The following HLTF variants were observed in gnomAD, a reference collection of about 807,000 sequenced individuals.
The protein encoded by HLTF is DNA-dependent ATPase/E3 ubiquitin-protein ligase HLTF.
HLTF carries 127 observed loss-of-function variants against 129.4 expected under a neutral mutation model. The observed-to-expected ratio is 0.98, with a 90% CI of 0.85 to 1.14. HLTF has a LOEUF of 1.14. Ranked by LOEUF, HLTF falls within the 50% of genes most tolerant of loss-of-function variation. HLTF has a pLI of 0.00. For missense variants in HLTF, 1,139 were observed against 1,187.1 expected (o/e 0.96, Z 0.60); for synonymous variants, 332 against 388.8 (o/e 0.85, Z 1.72).
intron 18 of HLTF, among the ~76,000 whole-genome samples, chr3:149,045,085 C>G (rs936610967): frequency 6.6e-6 from 1 of 152,060 alleles, no homozygotes; most frequent in African/African-American, 2.4e-5. Flanking sequence ...GCGTTACATA[C>G]CCCCATTCCA....
intron 17 of HLTF, among the ~76,000 whole-genome samples, chr3:149,047,618 G>A (rs959412397): frequency 6.6e-6 from 1 of 152,100 alleles, no homozygotes; most frequent in East Asian, 1.9e-4. Context: ...CTCCAGCATG[G>A]ACGACAGAGC....
chr3:149,032,953 G>A (rs770024459), intron 24 of HLTF, among the ~76,000 whole-genome samples: 23 of 105,874 alleles, frequency 2.2e-4, no homozygotes, highest in Non-Finnish European at 3.2e-4. Flanking sequence ...ACAGAGCGAC[G>A]TCTCAAAAAA....
rs1404071951 is a variant in HLTF at position 149,031,422 on chromosome 3, CTATT to C, written c.*794_*797del. On this transcript the variant is annotated 3_prime_UTR_variant, in exon 25 of 25. Coordinates refer to ENST00000310053, the MANE Select transcript of HLTF (RefSeq NM_003071.4). The stretch of plus-strand genomic sequence containing the variant: ...AAAAAGCTACATAAATAAAAATTAT[CTATT>C]TATAGAAATATCTATTTAGCAGTTC... 1.3e-5 allele frequency: 2 copies of C among 152,494 alleles called. No homozygotes were observed. The highest frequency in any genetic ancestry group is 4.8e-5 in the African/African-American group (2 of 41,484). The allele number at this position is 152,494 out of a possible 1,614,324, so 9.4% of individuals were successfully genotyped here. A position where few individuals can be genotyped will look rare whatever the true frequency, so the allele number is the denominator to read the frequency against.
chr3:149,045,803 G>A (rs2107977862), intron 18 of HLTF, among the ~76,000 whole-genome samples: 1 of 152,142 alleles, frequency 6.6e-6, no homozygotes, highest in South Asian at 2.1e-4. Flanking sequence ...TACGATTTTG[G>A]AAATAGAAGC....
intron 10 of HLTF, among the ~76,000 whole-genome samples, chr3:149,062,885 GATT>G (rs914880384): frequency 8.1e-4 from 123 of 152,188 alleles, no homozygotes; most frequent in African/African-American, 2.9e-3. Context: ...AAAGATGAGT[GATT>G]ATTAAAATTT....
intron 7 of HLTF, 67 bp from the exon 8 acceptor site, chr3:149,068,402 A>T: frequency 1.4e-6 from 1 of 714,852 alleles, no homozygotes; most frequent in South Asian, 1.8e-5. Flanking sequence ...AAACGTTCCC[A>T]TTTTAAAATC....
At chr3:149,080,934 G>C (rs1194673196) in intron 2 of HLTF, among the ~76,000 whole-genome samples, 2 of 152,104 alleles carry the variant, frequency 1.3e-5, no homozygotes, top group African/African-American at 4.8e-5. Flanking sequence ...CATGCATTAT[G>C]CAACAGTTGT....
Position 149,048,864 on chromosome 3 carries a change from TG to T in HLTF, c.1754del (p.Thr585LysfsTer9). The T allele has an allele frequency of 6.2e-7, 1 of 1,611,542 alleles. No individual in the cohort carries two copies. The highest frequency in any genetic ancestry group is 8.5e-7 in the Non-Finnish European group (1 of 1,177,906). ...TAGTAAGTTTAATGCTATGATTACC[TG>T]TCAAAACCCATCTTCTTTCTGATTC... ...DLESERRWVL[T>X]GTPIQNSLKD... On this transcript the variant is annotated frameshift_variant and splice_region_variant, in exon 16 of 25. Transcript: ENST00000310053. LOFTEE classifies it high-confidence loss of function.
At chr3:149,081,394 T>TAAAA (rs1719865470) in intron 2 of HLTF, among the ~76,000 whole-genome samples, 1 of 151,944 alleles carries the variant, frequency 6.6e-6, no homozygotes, top group Admixed American at 6.6e-5. Flanking sequence ...GTTTAAAGAT[T>TAAAA]AAAAGATTAA....
chr3:149,050,491 A>G (rs1252917717), intron 14 of HLTF, 116 bp from the exon 15 acceptor site: 3 of 587,920 alleles, frequency 5.1e-6, no homozygotes, highest in Non-Finnish European at 8.7e-6. Flanking sequence ...CTAAAATTGT[A>G]TGAAATCAAG....
Position 149,048,912 on chromosome 3 carries a change from C to G in HLTF, c.1707G>C (p.Gln569His), listed in dbSNP as rs1403884774. ...ATTCTAAGTCAAGTACAGCTTTTGT[C>G]TGCTGAGCATTTGGATTTCGTATGG... ...GHAIRNPNAQ[Q>H]TKAVLDLESE... Residue 569 changes from glutamine (Q) to histidine (H), a missense_variant, in exon 16 of 25, where the codon CAG becomes CAC. Gln to His is a conservative substitution (Grantham distance 24, BLOSUM62 0). Transcript: ENST00000310053. The G allele has an allele frequency of 5.0e-6, 8 of 1,613,498 alleles. No individual in the cohort carries two copies. In the East Asian group the frequency reaches 1.8e-4, roughly 36 times the overall value.
intron 14 of HLTF, among the ~76,000 whole-genome samples, chr3:149,053,909 A>G (rs1717202026): frequency 6.6e-6 from 1 of 152,190 alleles, no homozygotes; most frequent in East Asian, 1.9e-4. Context: ...CCTTCCCATA[A>G]CAAACAACAA....
At position 149,086,506 on chromosome 3, in the gene HLTF, T is replaced by G; in HGVS notation, c.-170A>C. 2 of 664,246 alleles carry G rather than the reference T, an allele frequency of 3.0e-6. No individual in the cohort carries two copies. Among genetic ancestry groups the G allele is most frequent in the Non-Finnish European group, 5.2e-6 (2 of 384,430 alleles). 41.1% of individuals were successfully genotyped at this position (664,246 alleles called of 1,614,324 possible). A position where few individuals can be genotyped will look rare whatever the true frequency, so the allele number is the denominator to read the frequency against. ...AAGTCGCCGCGAGTCCAGTCAGACG[T>G]CGACGCCGTCTCCTTCTGCAACAAT... On this transcript the variant is annotated 5_prime_UTR_variant, in exon 1 of 25. Transcript: ENST00000310053.
chr3:149,035,192 C>G (rs1457941537), intron 23 of HLTF, among the ~76,000 whole-genome samples, 194 bp from the exon 24 acceptor site: 1 of 152,170 alleles, frequency 6.6e-6, no homozygotes, highest in Non-Finnish European at 1.5e-5. Context: ...GCATCCTCCC[C>G]CTACTACTAC....
Position 149,060,697 on chromosome 3 carries a change from A to C in HLTF, c.1241-10T>G. 1 of 1,612,660 alleles carries C rather than the reference A, an allele frequency of 6.2e-7. No homozygotes were observed. The highest frequency in any genetic ancestry group is 8.5e-7 in the Non-Finnish European group (1 of 1,179,082). On this transcript the variant is annotated splice_polypyrimidine_tract_variant and intron_variant, in intron 11 of 24. Transcript: ENST00000310053. ...ACATTTTTCAGTTTGCCTAAAAATA[A>C]AACAAAAATAAACATAAAAATGGGC...
intron 14 of HLTF, among the ~76,000 whole-genome samples, chr3:149,050,734 G>T (rs1346358905): frequency 1.3e-5 from 2 of 152,070 alleles, no homozygotes. Context: ...AACAGTAAAA[G>T]AACAACAACC....
intron 19 of HLTF, chr3:149,041,956 A>G (rs897907451): frequency 1.4e-5 from 8 of 589,734 alleles, no homozygotes; most frequent in African/African-American, 3.7e-5. Flanking sequence ...AAGGGTATCT[A>G]TCACCGGAAT....
intron 5 of HLTF, among the ~76,000 whole-genome samples, chr3:149,072,682 A>G (rs1416167253): frequency 6.6e-6 from 1 of 152,216 alleles, no homozygotes; most frequent in East Asian, 1.9e-4. Flanking sequence ...CAGGGTAAAT[A>G]TGGTAACTAC....
intron 23 of HLTF, among the ~76,000 whole-genome samples, chr3:149,037,251 A>G (rs1337696048): frequency 6.6e-6 from 1 of 151,906 alleles, no homozygotes; most frequent in Non-Finnish European, 1.5e-5. Flanking sequence ...CAGGTGGATC[A>G]TGAGGTCAGG....
Sources: gnomAD v4.1 joint callset for allele counts (sites outside exome capture counted in the v4.1 genomes callset) on GRCh38, gnomAD v4.1.1 for gene constraint, MANE v1.5 for transcripts, NCBI Gene and HGNC (gene_info 2026-07-23, HGNC 2026-07-21) for gene names.